ANKS1B: variants seen among roughly 807,000 people sequenced by gnomAD.
The protein encoded by ANKS1B is ankyrin repeat and sterile alpha motif domain containing 1B.
ANKS1B carries 36 observed loss-of-function variants against 148.3 expected under a neutral mutation model. The ratio of observed to expected loss-of-function variants is 0.24; its 90% confidence interval spans 0.19 to 0.32. ANKS1B has a LOEUF of 0.32. ANKS1B is among the 10% of genes least tolerant of loss of function. The pLI is 1.00. For missense variants in ANKS1B, 1,157 were observed against 1,542.6 expected (o/e 0.75, Z 4.19); for synonymous variants, 542 against 560.8 (o/e 0.97, Z 0.47).
chr12:99,322,056 A>T (rs962470577), intron 12 of ANKS1B, among the ~76,000 whole-genome samples: 1 of 152,166 alleles, frequency 6.6e-6, no homozygotes, highest in African/African-American at 2.4e-5. Flanking sequence ...ACAAATGCAC[A>T]CGTATGTTTA....
chr12:99,734,125 A>G (rs1205966263), intron 8 of ANKS1B, among the ~76,000 whole-genome samples: 7 of 152,038 alleles, frequency 4.6e-5, no homozygotes, highest in Admixed American at 4.6e-4. Context: ...GAGGCATTAC[A>G]TTTCTCAACT....
rs539933237 is a variant in ANKS1B, at chr12:99,049,567, C to T, written c.2778+3590G>A. On this transcript the variant is annotated intron_variant, in intron 17 of 26. Transcript: ENST00000683438. ...TTCCTTTGAAAATCTCTTAGCACAT[C>T]TCCAAGTGGTTAGCTTTCCTGGGAA... Among the ~76,000 whole-genome samples, 4 of 152,224 alleles carry T rather than the reference C, an allele frequency of 2.6e-5. No homozygotes were observed. In the East Asian group the frequency reaches 7.7e-4, roughly 29 times the overall value.
chr12:99,778,448 C>T (rs927777202), intron 6 of ANKS1B, among the ~76,000 whole-genome samples: 1 of 146,482 alleles, frequency 6.8e-6, no homozygotes, highest in African/African-American at 2.6e-5. Context: ...GCGGAGGCTG[C>T]AGTGAGCCAA....
intron 12 of ANKS1B, among the ~76,000 whole-genome samples, chr12:99,347,510 C>A (rs2152365560): frequency 6.6e-6 from 1 of 152,044 alleles, no homozygotes; most frequent in African/African-American, 2.4e-5. Context: ...AAAGGCCTGC[C>A]CCAACATACA....
At chr12:99,473,234 ACTC>A (rs1336284703) in intron 10 of ANKS1B, among the ~76,000 whole-genome samples, 1 of 151,272 alleles carries the variant, frequency 6.6e-6, no homozygotes, top group African/African-American at 2.4e-5. Flanking sequence ...GACAATTCTG[ACTC>A]CTTTTTTTCA....
intron 19 of ANKS1B, among the ~76,000 whole-genome samples, chr12:98,815,996 G>A (rs892667326): frequency 1.3e-5 from 2 of 152,046 alleles, no homozygotes; most frequent in Admixed American, 6.6e-5. Flanking sequence ...AAGGTTCTCC[G>A]TTCTCTGGTA....
At chr12:99,505,837 T>C (rs1012172947) in intron 9 of ANKS1B, among the ~76,000 whole-genome samples, 2 of 152,010 alleles carry the variant, frequency 1.3e-5, no homozygotes, top group Non-Finnish European at 2.9e-5. Flanking sequence ...GTTGAAAATA[T>C]TGTAAGTAGA....
At chr12:99,700,204 T>C (rs2054585423) in intron 8 of ANKS1B, among the ~76,000 whole-genome samples, 1 of 152,140 alleles carries the variant, frequency 6.6e-6, no homozygotes, top group Non-Finnish European at 1.5e-5. Flanking sequence ...AAAAGAGGCA[T>C]CCCTTGATCA....
intron 8 of ANKS1B, among the ~76,000 whole-genome samples, chr12:99,750,033 A>T (rs1033336681): frequency 3.3e-5 from 5 of 152,104 alleles, no homozygotes; most frequent in African/African-American, 1.2e-4. Context: ...AGACAGTACA[A>T]ATAATCAATA....
At chr12:99,366,967 C>A (rs1257363516) in intron 12 of ANKS1B, among the ~76,000 whole-genome samples, 1 of 152,118 alleles carries the variant, frequency 6.6e-6, no homozygotes, top group Non-Finnish European at 1.5e-5. Flanking sequence ...TTCTAAAGCT[C>A]AGCACTACTG....
chr12:99,644,633 G>A (rs1260898772), intron 9 of ANKS1B, among the ~76,000 whole-genome samples: 1 of 152,112 alleles, frequency 6.6e-6, no homozygotes. Context: ...TTATGCACCT[G>A]TTACAGCAGC....
chr12:99,503,875 T>C (rs1368103990), intron 10 of ANKS1B, among the ~76,000 whole-genome samples: 1 of 152,088 alleles, frequency 6.6e-6, no homozygotes, highest in Non-Finnish European at 1.5e-5. Context: ...TTTCATATAA[T>C]CACTCTGTAT....
intron 14 of ANKS1B, among the ~76,000 whole-genome samples, chr12:99,210,796 A>G (rs1340771404): frequency 6.6e-6 from 1 of 152,214 alleles, no homozygotes; most frequent in African/African-American, 2.4e-5. Context: ...GCTAAGGTGC[A>G]TACTCCAAAC....
intron 17 of ANKS1B, among the ~76,000 whole-genome samples, chr12:99,011,394 C>T (rs567612421): frequency 1.1e-4 from 16 of 152,166 alleles, no homozygotes; most frequent in African/African-American, 2.2e-4. Context: ...GTAAAATAAC[C>T]GCAGAATAGC....
intron 17 of ANKS1B, among the ~76,000 whole-genome samples, chr12:98,879,825 G>A (rs1337251750): frequency 1.3e-5 from 2 of 151,972 alleles, no homozygotes; most frequent in Non-Finnish European, 2.9e-5. Context: ...ATGTACATAG[G>A]ACACACACAC....
At chr12:99,376,288 C>T (rs558904763) in intron 12 of ANKS1B, among the ~76,000 whole-genome samples, 1 of 152,284 alleles carries the variant, frequency 6.6e-6, no homozygotes, top group East Asian at 1.9e-4. Flanking sequence ...GCATAAATTT[C>T]AACCATCTGG....
intron 17 of ANKS1B, among the ~76,000 whole-genome samples, chr12:98,898,327 A>G (rs2099767650): frequency 6.6e-6 from 1 of 152,238 alleles, no homozygotes; most frequent in Non-Finnish European, 1.5e-5. Context: ...TAAAGATCTT[A>G]TCAGTATAAT....
At chr12:98,931,833 A>G (rs1313888453) in intron 17 of ANKS1B, 1 of 152,022 alleles carries the variant, frequency 6.6e-6, no homozygotes, top group Non-Finnish European at 1.5e-5. Flanking sequence ...CCAAAACTCT[A>G]TTTTTTAATG....
chr12:99,220,724 G>T (rs1466557284), intron 14 of ANKS1B, among the ~76,000 whole-genome samples: 2 of 152,102 alleles, frequency 1.3e-5, no homozygotes, highest in Non-Finnish European at 2.9e-5. Flanking sequence ...TGGGATTACA[G>T]GTGTGAGCCA....
Sources: gnomAD v4.1 joint callset for allele counts (sites outside exome capture counted in the v4.1 genomes callset) on GRCh38, gnomAD v4.1.1 for gene constraint, MANE v1.5 for transcripts, NCBI Gene and HGNC (gene_info 2026-07-23, HGNC 2026-07-21) for gene names.